Variants in DHX8 observed in about 807,000 individuals in gnomAD.
The protein encoded by DHX8 is DEAH-box helicase 8.
A neutral mutation model predicts 140.7 loss-of-function variants in DHX8; 67 were observed. That is an observed-to-expected ratio of 0.48 (90% CI 0.39 to 0.58). The LOEUF is 0.58. Ranked by LOEUF, DHX8 falls within the 20% of genes least tolerant of loss-of-function variation. DHX8 has a pLI of 0.00. For missense variants in DHX8, 887 were observed against 1,550.7 expected (o/e 0.57, Z 7.19); for synonymous variants, 533 against 553.2 (o/e 0.96, Z 0.51).
At chr17:43,488,235 G>T (rs1185563071) in intron 1 of DHX8, among the ~76,000 whole-genome samples, 1 of 150,496 alleles carries the variant, frequency 6.6e-6, no homozygotes, top group Non-Finnish European at 1.5e-5. Flanking sequence ...CCAAGATCCC[G>T]CCACTGCACT....
At chr17:43,527,087 C>T (rs78475441), downstream of DHX8, among the ~76,000 whole-genome samples, 12,128 of 152,198 alleles carry the variant, frequency 0.08, 650 homozygotes, top group South Asian at 0.16. Context: ...CCATTCTGCC[C>T]CTCCCACCTG....
intron 6 of DHX8, 100 bp from the exon 7 acceptor site, chr17:43,493,345 G>A (rs1968650085): frequency 4.0e-6 from 6 of 1,492,996 alleles, no homozygotes; most frequent in Non-Finnish European, 5.4e-6. Flanking sequence ...TTTCTCTTGA[G>A]TTTAAGACCA....
chr17:43,530,518 G>A, downstream of DHX8: 18 of 1,056,486 alleles, frequency 1.7e-5, 1 homozygote, highest in Non-Finnish European at 2.2e-5. Flanking sequence ...GAACGTCCGG[G>A]GAAAGAGTTC....
downstream of DHX8, among the ~76,000 whole-genome samples, chr17:43,527,330 C>A (rs1970647012): frequency 6.6e-6 from 1 of 152,204 alleles, no homozygotes; most frequent in Non-Finnish European, 1.5e-5. Flanking sequence ...TCCTTTGCCC[C>A]ATTCTCCAGA....
rs1351790417 is a variant in DHX8, at chr17:43,498,896, G to A, written c.1335G>A (p.Glu445=). ...TTGAGATTGAATTGGTTGAGGAAGA[G>A]CCTCCATTCCTGAGAGGGCACACTA... ...EDLEIELVEE[E]PPFLRGHTKQ... is the part of the protein sequence containing the mutation. Residue 445 remains glutamate, a synonymous_variant, in exon 10 of 23, where the codon GAG becomes GAA. Transcript: ENST00000262415. 1 of 1,597,384 alleles carries A rather than the reference G, an allele frequency of 6.3e-7. No homozygotes were observed. Among genetic ancestry groups the A allele is most frequent in the African/African-American group, 1.4e-5 (1 of 73,178 alleles).
chr17:43,492,343 G>T, intron 5 of DHX8, 51 bp downstream of exon 5: 1 of 1,486,432 alleles, frequency 6.7e-7, no homozygotes, highest in Non-Finnish European at 9.3e-7. Flanking sequence ...TGTGACAGTT[G>T]AATATTATGG....
At chr17:43,491,589 A>T (rs1968520312) in intron 4 of DHX8, among the ~76,000 whole-genome samples, 1 of 152,088 alleles carries the variant, frequency 6.6e-6, no homozygotes, top group African/African-American at 2.4e-5. Context: ...TGATTTTTAA[A>T]TTTCATTTTA....
At chr17:43,530,033 G>A (rs1311885851), downstream of DHX8, 1 of 1,609,346 alleles carries the variant, frequency 6.2e-7, no homozygotes, top group Non-Finnish European at 8.5e-7. Context: ...CTCCTGGCCA[G>A]GGAGACCCTC....
chr17:43,505,112 CA>C (rs1033608554), intron 12 of DHX8, among the ~76,000 whole-genome samples: 15 of 151,812 alleles, frequency 9.9e-5, no homozygotes, highest in Admixed American at 5.9e-4. Flanking sequence ...CTTGTCTCTA[CA>C]AAAAATAAAA....
chr17:43,512,950 G>C (rs1216579566), intron 16 of DHX8, among the ~76,000 whole-genome samples: 1 of 152,096 alleles, frequency 6.6e-6, no homozygotes, highest in African/African-American at 2.4e-5. Context: ...TTTTAGTCCA[G>C]ATGTCTCGGT....
At chr17:43,490,564 A>T in intron 3 of DHX8, 101 bp downstream of exon 3, 1 of 997,514 alleles carries the variant, frequency 1.0e-6, no homozygotes, top group Non-Finnish European at 1.5e-6. Context: ...CTGAGCAAGT[A>T]AATGTTCCAG....
At chr17:43,538,679 C>T (rs774760058) in intron 3 of DHX8, among the ~76,000 whole-genome samples, 3 of 151,940 alleles carry the variant, frequency 2.0e-5, no homozygotes, top group Non-Finnish European at 4.4e-5. Context: ...CACTTTTGCC[C>T]CTCTCTCAAA....
At chr17:43,538,812 C>T (rs1971373884) in intron 3 of DHX8, among the ~76,000 whole-genome samples, 1 of 152,056 alleles carries the variant, frequency 6.6e-6, no homozygotes, top group African/African-American at 2.4e-5. Context: ...GACTCTCCTT[C>T]CCTGGAGACT....
At chr17:43,503,159 T>C (rs1454942965) in intron 11 of DHX8, among the ~76,000 whole-genome samples, 1 of 151,706 alleles carries the variant, frequency 6.6e-6, no homozygotes, top group Non-Finnish European at 1.5e-5. Context: ...GTTGGGGAAT[T>C]TGAAACCAAG....
chr17:43,502,565 G>A (rs965117099), intron 11 of DHX8, among the ~76,000 whole-genome samples: 3 of 152,072 alleles, frequency 2.0e-5, no homozygotes, highest in African/African-American at 7.2e-5. Flanking sequence ...TGGGACTACA[G>A]GTGACCGCCA....
intron 4 of DHX8, 35 bp downstream of exon 4, chr17:43,491,285 T>C: frequency 8.6e-7 from 1 of 1,163,020 alleles, no homozygotes; most frequent in South Asian, 1.8e-5. Context: ...CTACTATAAA[T>C]ATATATTCTC....
downstream of DHX8, chr17:43,530,341 A>G: frequency 1.4e-6 from 2 of 1,478,262 alleles, no homozygotes; most frequent in East Asian, 2.5e-5. Context: ...AATCCCAGGG[A>G]AAGTTCACCC....
chr17:43,532,496 CAA>C (rs1202639826), intron 2 of DHX8, among the ~76,000 whole-genome samples: 1 of 124,566 alleles, frequency 8.0e-6, no homozygotes. Context: ...GACCCCATTT[CAA>C]AAAAAAAAAG....
chr17:43,515,680 G>C (rs914084775), intron 17 of DHX8, among the ~76,000 whole-genome samples: 2 of 152,200 alleles, frequency 1.3e-5, no homozygotes, highest in African/African-American at 4.8e-5. Context: ...CCTGGCTCCA[G>C]CTTGTATGCT....
Sources: gnomAD v4.1 joint callset for allele counts (sites outside exome capture counted in the v4.1 genomes callset) on GRCh38, gnomAD v4.1.1 for gene constraint, MANE v1.5 for transcripts, NCBI Gene and HGNC (gene_info 2026-07-23, HGNC 2026-07-21) for gene names.